COL15A1: variants seen among roughly 807,000 people sequenced by gnomAD.
The protein encoded by COL15A1 is collagen type XV alpha 1 chain.
COL15A1 carries 111 observed loss-of-function variants against 165.9 expected under a neutral mutation model. That is an observed-to-expected ratio of 0.67 (90% confidence interval 0.57 to 0.78). COL15A1 has a LOEUF of 0.78. COL15A1 is among the 30% of genes least tolerant of loss of function. The pLI is 0.00. For synonymous variants in COL15A1, 659 were observed against 674.8 expected (o/e 0.98, Z 0.36); for missense variants, 1,745 against 1,789.7 (o/e 0.98, Z 0.45).
rs1825961621 is a variant in COL15A1 at position 99,070,069 on chromosome 9, G to C, written c.*183G>C. 5.3e-6 allele frequency: 3 copies of C among 567,298 alleles called. No individual in the cohort carries two copies. In the Admixed American group the frequency reaches 1.0e-4, roughly 20 times the overall value. 35.1% of individuals were successfully genotyped at this position (567,298 alleles called of 1,614,324 possible). A position where few individuals can be genotyped will look rare whatever the true frequency, so the allele number is the denominator to read the frequency against. ...CAAAACTGAAGACATAGAGGACTCA[G>C]ATCAAAGACAAAATCTGATCCATAT... On this transcript the variant is annotated 3_prime_UTR_variant, in exon 42 of 42. Transcript: ENST00000375001.
At chr9:99,058,897 G>A (rs4631520) in intron 35 of COL15A1, among the ~76,000 whole-genome samples, 20,739 of 152,050 alleles carry the variant, frequency 0.14, 1,445 homozygotes, top group South Asian at 0.2. Context: ...CGACCTGAAG[G>A]ACTGTATAAT....
At chr9:99,000,380 CATGA>C (rs1418943588) in intron 6 of COL15A1, among the ~76,000 whole-genome samples, 1 of 151,770 alleles carries the variant, frequency 6.6e-6, no homozygotes, top group Non-Finnish European at 1.5e-5. Context: ...TATTACATAA[CATGA>C]ATATGTTATA....
chr9:99,043,445 A>G (rs761345922), intron 24 of COL15A1, among the ~76,000 whole-genome samples: 46 of 152,200 alleles, frequency 3.0e-4, no homozygotes, highest in Admixed American at 5.9e-4. Flanking sequence ...AGGGACGGAC[A>G]TGACATCCCC....
Position 99,049,725 on chromosome 9 carries a change from T to G in COL15A1, c.2829T>G (p.Pro943=), listed in dbSNP as rs760158076. The change falls in exon 29 of 42, where the codon CCT becomes CCG. Residue 943 remains proline (P), a synonymous_variant. Coordinates refer to ENST00000375001, the MANE Select transcript of COL15A1 (RefSeq NM_001855.5). The part of the protein sequence containing the change: ...PPGLPGPPGP[P]GPPGAVINIK... ...GCTTACCTGGCCCTCCAGGCCCCCC[T>G]GGGCCACCTGGAGCTGTGATTAACA... is the stretch of plus-strand genomic sequence containing the variant. The G allele has an allele frequency of 6.2e-7, 1 of 1,613,992 alleles. No homozygotes were observed. The highest frequency in any genetic ancestry group is 8.5e-7 in the Non-Finnish European group (1 of 1,180,004).
At chr9:99,057,359 C>T (rs1825736598) in intron 35 of COL15A1, among the ~76,000 whole-genome samples, 1 of 152,164 alleles carries the variant, frequency 6.6e-6, no homozygotes, top group Admixed American at 6.5e-5. Flanking sequence ...TTTGTCAATG[C>T]CTTAGGGGCG....
intron 5 of COL15A1, 23 bp from the exon 6 acceptor site, chr9:98,996,911 C>T: frequency 6.2e-7 from 1 of 1,608,952 alleles, no homozygotes; most frequent in Non-Finnish European, 8.5e-7. Flanking sequence ...AATCATTTTG[C>T]ATCTCATTTT....
intron 36 of COL15A1, among the ~76,000 whole-genome samples, chr9:99,061,663 A>G (rs969067645): frequency 9.2e-5 from 14 of 152,202 alleles, no homozygotes; most frequent in African/African-American, 3.4e-4. Context: ...TAATACCCAA[A>G]CCAAAACAAA....
chr9:98,946,781 C>T (rs1017022525), intron 2 of COL15A1, among the ~76,000 whole-genome samples: 3 of 152,200 alleles, frequency 2.0e-5, no homozygotes, highest in Non-Finnish European at 4.4e-5. Flanking sequence ...TGTCTTATCC[C>T]CTTTTACAGA....
intron 9 of COL15A1, among the ~76,000 whole-genome samples, chr9:99,012,295 G>A (rs1376049445): frequency 6.6e-6 from 1 of 152,136 alleles, no homozygotes; most frequent in Non-Finnish European, 1.5e-5. Flanking sequence ...AAATGTGTAT[G>A]TACACATAAA....
At chr9:98,986,260 G>C in intron 3 of COL15A1, 148 bp downstream of exon 3, 2 of 675,958 alleles carry the variant, frequency 3.0e-6, no homozygotes, top group South Asian at 4.2e-5. Context: ...ACTAGGCCTG[G>C]AACCCCAAAA....
At chr9:99,012,888 A>G (rs937022167) in intron 9 of COL15A1, among the ~76,000 whole-genome samples, 3 of 151,358 alleles carry the variant, frequency 2.0e-5, no homozygotes, top group Non-Finnish European at 4.4e-5. Context: ...GTTTTTTTGT[A>G]TTTTTAGTAG....
At chr9:98,966,387 G>C (rs867309618) in intron 2 of COL15A1, among the ~76,000 whole-genome samples, 3 of 152,326 alleles carry the variant, frequency 2.0e-5, no homozygotes, top group Middle Eastern at 6.8e-3. Context: ...AGGAGGACCA[G>C]GGATCTTACC....
At position 99,069,873 on chromosome 9, in the gene COL15A1, A is replaced by G; in HGVS notation, c.4154A>G (p.Asp1385Gly). The G allele has an allele frequency of 1.9e-6, 3 of 1,610,846 alleles. No homozygotes were observed. The highest frequency in any genetic ancestry group is 2.5e-6 in the Non-Finnish European group (3 of 1,177,242). Residue 1385 changes from aspartate (D) to glycine (G), a missense_variant, in exon 42 of 42, where the codon GAC (aspartate) becomes GGC (glycine). Physicochemically the swap from Asp to Gly is moderately conservative, Grantham distance 94. Transcript: ENST00000375001. ...VLCIENSFMTDARK is the reference protein window; with the variant it reads ...VLCIENSFMTGARK ...TGTATCGAAAACAGTTTCATGACAGACGCTAGGAAGTAATGGCCTTCTGAT... is the reference window on the plus strand; with the variant it reads ...TGTATCGAAAACAGTTTCATGACAGGCGCTAGGAAGTAATGGCCTTCTGAT...
At chr9:99,004,795 G>A (rs1838727319) in intron 8 of COL15A1, 103 bp from the exon 9 acceptor site, 1 of 1,275,650 alleles carries the variant, frequency 7.8e-7, no homozygotes. Flanking sequence ...TGAGGTCTTG[G>A]TGTGCAGGTG....
intron 15 of COL15A1, among the ~76,000 whole-genome samples, chr9:99,025,241 C>A (rs1374586676): frequency 1.3e-5 from 2 of 152,240 alleles, no homozygotes; most frequent in African/African-American, 4.8e-5. Context: ...ATACAGATGG[C>A]CCCCTACTTA....
At chr9:99,053,290 ATCTAGCCCTGTGGTTTT>A (rs1263974913) in intron 31 of COL15A1, among the ~76,000 whole-genome samples, 1 of 152,166 alleles carries the variant, frequency 6.6e-6, no homozygotes, top group East Asian at 1.9e-4. Flanking sequence ...CCCTGATGAT[ATCTAGCCCTGTGGTTTT>A]TCTGTCACTT....
At position 98,987,378 on chromosome 9, in the gene COL15A1, C is replaced by T. The variant is rs764917147; in HGVS notation, c.723+10C>T. The T allele has an allele frequency of 1.2e-6, 2 of 1,605,558 alleles. No homozygotes were observed. The highest frequency in any genetic ancestry group is 1.7e-6 in the Non-Finnish European group (2 of 1,175,924). ...CCCTGAAGAGTCCTCGGTGAGCTCC[C>T]CTACTATCCCACAGTGGGCCCTGCA... is the stretch of plus-strand genomic sequence containing the variant. On this transcript the variant is annotated intron_variant, in intron 4 of 41. Coordinates refer to ENST00000375001, the MANE Select transcript of COL15A1 (RefSeq NM_001855.5).
intron 2 of COL15A1, among the ~76,000 whole-genome samples, chr9:98,970,987 C>T (rs1197868656): frequency 6.6e-6 from 1 of 152,102 alleles, no homozygotes; most frequent in Admixed American, 6.5e-5. Context: ...GTAAGAATAA[C>T]AGATTTGTAC....
intron 2 of COL15A1, among the ~76,000 whole-genome samples, chr9:98,977,437 C>T (rs1039708561): frequency 6.6e-6 from 1 of 152,254 alleles, no homozygotes; most frequent in Non-Finnish European, 1.5e-5. Flanking sequence ...ACAGGTGGCC[C>T]TCCTGCTGGA....
Sources: allele counts gnomAD v4.1 joint callset (sites outside exome capture counted in the v4.1 genomes callset), GRCh38; gene constraint gnomAD v4.1.1; transcripts MANE v1.5; gene names NCBI Gene and HGNC (gene_info 2026-07-23, HGNC 2026-07-21).